The following ZNF726 variants were observed in gnomAD, a reference collection of about 807,000 sequenced individuals.
ZNF726 encodes the protein zinc finger protein 726, also known as zinc finger protein 92 pseudogene 3.
Under a neutral mutation model 11.6 loss-of-function variants are expected in ZNF726, and 15 were observed. The observed-to-expected ratio is 1.29, with a 90% CI of 0.86 to 1.99. ZNF726 has a LOEUF of 1.99. Among genes scored for constraint, ZNF726 ranks in the 30% most tolerant of loss-of-function variants. The pLI is 0.00. For synonymous variants in ZNF726, 295 were observed against 243.6 expected (o/e 1.21, Z -1.96); for missense variants, 890 against 725.6 (o/e 1.23, Z -2.60).
At position 23,933,907 on chromosome 19, in the gene ZNF726, A is replaced by C; in HGVS notation, c.1791A>C (p.Glu597Asp). The C allele has an allele frequency of 6.3e-7, 1 of 1,588,658 alleles. No homozygotes were observed. Among genetic ancestry groups the C allele is most frequent in the Non-Finnish European group, 8.6e-7 (1 of 1,167,108 alleles). Residue 597 changes from glutamate to aspartate, a missense_variant, in exon 4 of 4, where the codon GAA (glutamate) becomes GAC (aspartate). Glu to Asp is a conservative substitution (Grantham distance 45). Transcript: ENST00000594466. ...HTGEKPYKCD[E>D]CGKSFIWSST... ...GAGAGAAACCTTACAAGTGTGACGA[A>C]TGTGGCAAATCATTTATCTGGTCCT...
chr19:23,915,081 C>T, intron 1 of ZNF726, 84 bp downstream of exon 1: 5 of 1,598,754 alleles, frequency 3.1e-6, no homozygotes, highest in East Asian at 2.2e-5. Context: ...GGACTCAGGC[C>T]TCCTCGCTGT....
At chr19:23,942,130 C>T (rs1037691052) in intron 3 of ZNF726, among the ~76,000 whole-genome samples, 2 of 152,082 alleles carry the variant, frequency 1.3e-5, no homozygotes, top group African/African-American at 2.4e-5. Context: ...ACCATCTTCG[C>T]TGTATCCAAG....
At chr19:23,937,093 C>G (rs955348430), downstream of ZNF726, among the ~76,000 whole-genome samples, 1 of 147,228 alleles carries the variant, frequency 6.8e-6, no homozygotes, top group Non-Finnish European at 1.5e-5. Context: ...GGGGCTGACC[C>G]CCCCCACCTC....
downstream of ZNF726, among the ~76,000 whole-genome samples, chr19:23,937,295 C>A (rs1293300405): frequency 6.6e-6 from 1 of 151,898 alleles, no homozygotes; most frequent in Non-Finnish European, 1.5e-5. Flanking sequence ...GACCCCCCCA[C>A]CTCCCTTCCG....
chr19:23,938,756 C>T (rs774155745), downstream of ZNF726, among the ~76,000 whole-genome samples: 37 of 151,532 alleles, frequency 2.4e-4, no homozygotes, highest in African/African-American at 5.1e-4. Context: ...TACAGGTTCC[C>T]GCCACCAGCC....
At chr19:23,924,400 C>T (rs1242709778) in intron 3 of ZNF726, among the ~76,000 whole-genome samples, 3 of 151,776 alleles carry the variant, frequency 2.0e-5, no homozygotes, top group Non-Finnish European at 2.9e-5. Flanking sequence ...AAGTTAGTAG[C>T]CTTGGAAATA....
At chr19:23,940,937 T>A (rs1968328724) in intron 3 of ZNF726, among the ~76,000 whole-genome samples, 4 of 152,150 alleles carry the variant, frequency 2.6e-5, no homozygotes, top group Non-Finnish European at 4.4e-5. Flanking sequence ...AGCAAACAGG[T>A]ACAGTTTGAC....
chr19:23,930,465 T>C (rs1968080242), intron 3 of ZNF726, among the ~76,000 whole-genome samples: 1 of 152,154 alleles, frequency 6.6e-6, no homozygotes, highest in South Asian at 2.1e-4. Context: ...TTAGTATATA[T>C]TATAATTGTG....
At position 23,933,527 on chromosome 19, in the gene ZNF726, C is replaced by T; in HGVS notation, c.1411C>T (p.His471Tyr). The T allele has an allele frequency of 6.2e-7, 1 of 1,612,864 alleles. No individual in the cohort carries two copies. Among genetic ancestry groups the T allele is most frequent in the Non-Finnish European group, 8.5e-7 (1 of 1,179,988 alleles). Residue 471 changes from histidine to tyrosine, a missense_variant, in exon 4 of 4, where the codon CAT becomes TAT. By Grantham distance (83) the His-to-Tyr change is moderately conservative. Transcript: ENST00000594466. ...AFSRSSALTTHKRMHTGEKPY... is the reference protein window; with the variant it reads ...AFSRSSALTTYKRMHTGEKPY... ...TAGCCGATCCTCAGCCCTAACTACACATAAGAGGATGCACACTGGAGAGAA... is the reference window on the plus strand; with the variant it reads ...TAGCCGATCCTCAGCCCTAACTACATATAAGAGGATGCACACTGGAGAGAA...
intron 3 of ZNF726, among the ~76,000 whole-genome samples, chr19:23,941,529 T>G: frequency 6.6e-6 from 1 of 152,174 alleles, no homozygotes; most frequent in Middle Eastern, 3.2e-3. Context: ...TTCCCTATCT[T>G]GTGGAACAAT....
At chr19:23,932,302 C>T in intron 3 of ZNF726, 41 bp from the exon 4 acceptor site, 1 of 1,236,866 alleles carries the variant, frequency 8.1e-7, no homozygotes, top group Non-Finnish European at 1.0e-6. Flanking sequence ...ATATTTATGT[C>T]AGTATAGTAA....
downstream of ZNF726, among the ~76,000 whole-genome samples, chr19:23,937,488 G>T (rs1291096404): frequency 4.0e-5 from 6 of 150,832 alleles, no homozygotes; most frequent in Admixed American, 6.6e-5. Flanking sequence ...GGGCAGAGAC[G>T]CTCCTCACAT....
intron 3 of ZNF726, among the ~76,000 whole-genome samples, 196 bp from the exon 4 acceptor site, chr19:23,932,147 T>G (rs1005836480): frequency 1.3e-5 from 2 of 152,186 alleles, no homozygotes; most frequent in East Asian, 3.9e-4. Flanking sequence ...AATGTTCACA[T>G]CTGTGAACAT....
chr19:23,926,365 C>T (rs933858201), intron 3 of ZNF726, among the ~76,000 whole-genome samples: 7 of 151,780 alleles, frequency 4.6e-5, no homozygotes, highest in Non-Finnish European at 1.0e-4. Context: ...CAAGCCTGGC[C>T]AACGTGGTGA....
intron 4 of ZNF726, chr19:23,944,350 T>C (rs1276512739): frequency 6.6e-6 from 1 of 152,170 alleles, no homozygotes; most frequent in Non-Finnish European, 1.5e-5. Context: ...TAATAAACTA[T>C]TTTTCTTTGA....
In ZNF726 at chr19:23,933,014, C is replaced by T. The variant is rs1968148284; in HGVS notation, c.898C>T (p.Leu300=). The stretch of plus-strand genomic sequence containing the variant: ...CAAAGCATTTAGCCAACCCTCAGCA[C>T]TAACCATACATAAGAGGATGCACAT... ...CGKAFSQPSA[L]TIHKRMHIGE... Residue 300 remains leucine (L), a synonymous_variant, in exon 4 of 4, where the codon CTA becomes TTA. Coordinates refer to ENST00000594466, the MANE Select transcript of ZNF726 (RefSeq NM_001244038.2). 6.2e-7 allele frequency: 1 copy of T among 1,612,918 alleles called. No individual in the cohort carries two copies. Among genetic ancestry groups the T allele is most frequent in the Non-Finnish European group, 8.5e-7 (1 of 1,179,894 alleles).
intron 1 of ZNF726, among the ~76,000 whole-genome samples, chr19:23,915,964 G>A (rs1967688885): frequency 6.6e-6 from 1 of 152,174 alleles, no homozygotes; most frequent in Admixed American, 6.5e-5. Context: ...TTGGTTAAGC[G>A]TTAAGCCTGA....
chr19:23,922,391 C>T (rs1454288630), intron 3 of ZNF726, among the ~76,000 whole-genome samples: 3 of 152,178 alleles, frequency 2.0e-5, no homozygotes, highest in African/African-American at 7.2e-5. Flanking sequence ...CATGGAACTG[C>T]TTCAGGGACC....
intron 3 of ZNF726, among the ~76,000 whole-genome samples, chr19:23,932,012 A>G (rs1200545198): frequency 6.6e-6 from 1 of 152,186 alleles, no homozygotes; most frequent in Non-Finnish European, 1.5e-5. Flanking sequence ...AGAGTTTGCA[A>G]TTTACTTCTA....
Sources: allele counts gnomAD v4.1 joint callset (sites outside exome capture counted in the v4.1 genomes callset), GRCh38; gene constraint gnomAD v4.1.1; transcripts MANE v1.5; gene names NCBI Gene and HGNC (gene_info 2026-07-23, HGNC 2026-07-21).